TMEM131: variants seen among roughly 807,000 people sequenced by gnomAD.
TMEM131 encodes transmembrane protein 131.
TMEM131 carries 66 observed loss-of-function variants against 211.6 expected under a neutral mutation model. That is an observed-to-expected ratio of 0.31 (90% confidence interval 0.26 to 0.38). TMEM131 has a LOEUF of 0.38. Ranked by LOEUF, TMEM131 falls within the 10% of genes least tolerant of loss-of-function variation. The probability of loss-of-function intolerance (pLI) is 1.00; values close to 1 mark genes in which losing one functional copy is unlikely to be tolerated. For synonymous variants in TMEM131, 844 were observed against 841.3 expected, an observed-to-expected ratio of 1.00 and a Z score of -0.06; for missense variants, 2,036 against 2,299.3, an observed-to-expected ratio of 0.89 and a Z score of 2.34.
rs774460085 is a variant in TMEM131, at chr2:97,760,621, C to T, written c.5080G>A (p.Ala1694Thr). Reference sequence around the variant, plus strand: ...TCTGAGCCATCGCTGTCAACAGGAGCGTGTGAAATGCCAAGGCTGCTGGAG... The same window carrying T: ...TCTGAGCCATCGCTGTCAACAGGAGTGTGTGAAATGCCAAGGCTGCTGGAG... ...GFSSSLGISH[A>T]PVDSDGSDSS... The change falls in exon 38 of 41, where the codon GCT (alanine) becomes ACT (threonine). Residue 1694 changes from alanine (A) to threonine (T), a missense_variant. By Grantham distance (58) the Ala-to-Thr change is moderately conservative. Transcript: ENST00000186436. The T allele has an allele frequency of 4.3e-6, 7 of 1,612,534 alleles. 1 individual carries two copies. Among genetic ancestry groups the T allele is most frequent in the South Asian group, 2.2e-5 (2 of 90,728 alleles).
At chr2:97,953,827 C>T (rs1274454427) in intron 1 of TMEM131, among the ~76,000 whole-genome samples, 1 of 152,086 alleles carries the variant, frequency 6.6e-6, no homozygotes, top group African/African-American at 2.4e-5. Flanking sequence ...TGCTGGTGAA[C>T]CTTAAGTTCA....
At chr2:97,981,618 T>C (rs1013149503) in intron 1 of TMEM131, among the ~76,000 whole-genome samples, 2 of 152,334 alleles carry the variant, frequency 1.3e-5, no homozygotes, top group African/African-American at 2.4e-5. Flanking sequence ...GCTCCCATTT[T>C]AAGTATATAA....
chr2:97,909,825 A>C (rs909760919), intron 2 of TMEM131, among the ~76,000 whole-genome samples: 1 of 152,148 alleles, frequency 6.6e-6, no homozygotes, highest in African/African-American at 2.4e-5. Flanking sequence ...TGGATAAAGC[A>C]AACACAGCAA....
intron 2 of TMEM131, among the ~76,000 whole-genome samples, chr2:97,910,869 T>C (rs1422358559): frequency 1.3e-5 from 2 of 152,118 alleles, no homozygotes; most frequent in Admixed American, 6.6e-5. Flanking sequence ...TTGAAGCCAA[T>C]TTCTTACAAA....
At chr2:97,938,037 TG>T (rs1256557862) in intron 1 of TMEM131, among the ~76,000 whole-genome samples, 2 of 152,114 alleles carry the variant, frequency 1.3e-5, no homozygotes, top group East Asian at 3.8e-4. Flanking sequence ...GCACTAAACA[TG>T]GAAAGGAACA....
rs1681965586 is a variant in TMEM131, at chr2:97,818,698, A to G, written c.1098T>C (p.Asn366=). ...GTTTAAAGTGTACCGTTATAGCATC[A>G]TTTTGTGGTGTAGGTCGAACACTCT... The part of the protein sequence containing the change: ...PITSVRPTPQ[N]DAITVHFKPI... The change falls in exon 12 of 41, where the codon AAT becomes AAC. Residue 366 remains asparagine, a synonymous_variant. Transcript: ENST00000186436. 1 of 1,605,464 alleles carries G rather than the reference A, an allele frequency of 6.2e-7. No homozygotes were observed. Among genetic ancestry groups the G allele is most frequent in the African/African-American group, 1.3e-5 (1 of 74,862 alleles).
intron 11 of TMEM131, among the ~76,000 whole-genome samples, chr2:97,819,894 C>T (rs1199531999): frequency 6.6e-6 from 1 of 152,232 alleles, no homozygotes; most frequent in African/African-American, 2.4e-5. Context: ...TCTGCCTCAA[C>T]AGAACATCAA....
intron 4 of TMEM131, among the ~76,000 whole-genome samples, chr2:97,887,090 G>A (rs1675193398): frequency 6.6e-6 from 1 of 152,126 alleles, no homozygotes; most frequent in East Asian, 1.9e-4. Flanking sequence ...CAGGGTGGGG[G>A]TGCAGACACA....
At chr2:97,908,839 A>T (rs114937781) in intron 2 of TMEM131, 141 bp from the exon 3 acceptor site, 15,626 of 606,372 alleles carry the variant, frequency 0.026, 419 homozygotes, top group African/African-American at 0.095. Flanking sequence ...CCTGGTCTCC[A>T]AATCACATAC....
chr2:97,917,989 G>T (rs969261547), intron 2 of TMEM131, among the ~76,000 whole-genome samples: 2 of 149,872 alleles, frequency 1.3e-5, no homozygotes, highest in African/African-American at 2.5e-5. Context: ...CTCTGTCACT[G>T]AGGCTGGAGT....
At chr2:97,940,973 C>A (rs1209368711) in intron 1 of TMEM131, among the ~76,000 whole-genome samples, 2 of 152,132 alleles carry the variant, frequency 1.3e-5, no homozygotes, top group Non-Finnish European at 2.9e-5. Context: ...GAAAATACTA[C>A]TTTAAAGTTC....
intron 3 of TMEM131, among the ~76,000 whole-genome samples, chr2:97,895,272 C>A (rs1675558620): frequency 6.6e-6 from 1 of 152,120 alleles, no homozygotes; most frequent in Non-Finnish European, 1.5e-5. Flanking sequence ...ATTTGGTTTG[C>A]CAGATTTTAT....
At chr2:97,804,465 C>T (rs1681192438) in intron 22 of TMEM131, among the ~76,000 whole-genome samples, 1 of 151,784 alleles carries the variant, frequency 6.6e-6, no homozygotes, top group Admixed American at 6.6e-5. Flanking sequence ...GAGATGGAGA[C>T]CATCCTGGCC....
At chr2:97,794,296 A>G (rs1388188342) in intron 29 of TMEM131, among the ~76,000 whole-genome samples, 1 of 152,068 alleles carries the variant, frequency 6.6e-6, no homozygotes, top group Non-Finnish European at 1.5e-5. Context: ...TCGGCCTCCC[A>G]AAGTGCTGGG....
chr2:97,824,211 C>G (rs1228649331), intron 11 of TMEM131, among the ~76,000 whole-genome samples: 1 of 152,240 alleles, frequency 6.6e-6, no homozygotes, highest in Admixed American at 6.5e-5. Flanking sequence ...AGGCACACTG[C>G]CCCAGAGGGC....
chr2:97,771,722 A>T (rs1471391568), intron 33 of TMEM131, among the ~76,000 whole-genome samples: 1 of 152,234 alleles, frequency 6.6e-6, no homozygotes, highest in Non-Finnish European at 1.5e-5. Flanking sequence ...CAACTCACTC[A>T]TCTCCCTGGG....
intron 40 of TMEM131, among the ~76,000 whole-genome samples, chr2:97,758,474 G>A (rs1420611011): frequency 6.6e-6 from 1 of 152,246 alleles, no homozygotes; most frequent in African/African-American, 2.4e-5. Flanking sequence ...CAGCAACAAA[G>A]TAAATGCAGT....
chr2:97,869,023 A>G (rs1192663620), intron 4 of TMEM131, among the ~76,000 whole-genome samples: 1 of 152,192 alleles, frequency 6.6e-6, no homozygotes, highest in African/African-American at 2.4e-5. Flanking sequence ...TCATATAGAC[A>G]TTTACGTAGA....
At position 97,760,588 on chromosome 2, in the gene TMEM131, C is replaced by G. The variant is rs186818466; in HGVS notation, c.5108+5G>C. On this transcript the variant is annotated splice_donor_5th_base_variant and intron_variant, in intron 38 of 40. Coordinates refer to ENST00000186436, the MANE Select transcript of TMEM131 (RefSeq NM_015348.2). ...TTTCTAGCGGTTAGTGGTGGTCTAC[C>G]GTACCTGTCTGAGCCATCGCTGTCA... 1 of 1,607,068 alleles carries G rather than the reference C, an allele frequency of 6.2e-7. No homozygotes were observed. The highest frequency in any genetic ancestry group is 2.2e-5 in the East Asian group (1 of 44,696).
Sources: gnomAD v4.1 joint callset for allele counts (sites outside exome capture counted in the v4.1 genomes callset) on GRCh38, gnomAD v4.1.1 for gene constraint, MANE v1.5 for transcripts, NCBI Gene and HGNC (gene_info 2026-07-23, HGNC 2026-07-21) for gene names.